GLIS1: variants seen among roughly 807,000 people sequenced by gnomAD.
The protein encoded by GLIS1 is GLIS family zinc finger 1.
Under a neutral mutation model 63.8 loss-of-function variants are expected in GLIS1, and 24 were observed. The observed-to-expected ratio is 0.38, with a 90% confidence interval of 0.27 to 0.53. The LOEUF is 0.53. Among genes scored for constraint, GLIS1 ranks in the 20% least tolerant of loss-of-function variants. The probability of loss-of-function intolerance (pLI) is 0.85; values close to 1 mark genes in which losing one functional copy is unlikely to be tolerated. For synonymous variants in GLIS1, 450 were observed against 482.5 expected (o/e 0.93, Z 0.88); for missense variants, 1,036 against 1,074.1 (o/e 0.96, Z 0.50).
intron 2 of GLIS1, among the ~76,000 whole-genome samples, chr1:53,674,887 G>A (rs890982875): frequency 2.6e-5 from 4 of 152,128 alleles, no homozygotes; most frequent in Non-Finnish European, 4.4e-5. Flanking sequence ...CATTCAGGCA[G>A]TGCGGGATGA....
intron 4 of GLIS1, among the ~76,000 whole-genome samples, chr1:53,546,392 T>C (rs2100387324): frequency 6.6e-6 from 1 of 152,310 alleles, no homozygotes; most frequent in Admixed American, 6.5e-5. Flanking sequence ...CAGCCAAATG[T>C]CTGGGGACAC....
chr1:53,729,503 C>A (rs1291850896), intron 2 of GLIS1, among the ~76,000 whole-genome samples: 1 of 129,030 alleles, frequency 7.8e-6, no homozygotes. Context: ...CCCCCTCCCC[C>A]AAAAAGCATT....
chr1:53,524,734 G>A (rs753358563), intron 6 of GLIS1, 43 bp downstream of exon 6: 13 of 1,428,196 alleles, frequency 9.1e-6, no homozygotes, highest in African/African-American at 5.6e-5. Context: ...CGGTGCAGGC[G>A]GCTGCGAGGT....
chr1:53,624,482 C>T (rs1365390557), intron 2 of GLIS1, among the ~76,000 whole-genome samples: 1 of 151,432 alleles, frequency 6.6e-6, no homozygotes, highest in South Asian at 2.1e-4. Flanking sequence ...TTAGAACACA[C>T]AAAAAGCAGG....
At chr1:53,521,497 C>T (rs1267943610) in intron 6 of GLIS1, among the ~76,000 whole-genome samples, 8 of 152,182 alleles carry the variant, frequency 5.3e-5, no homozygotes. Flanking sequence ...TGGGTCTTGC[C>T]TACCCAGCCT....
chr1:53,672,337 C>A (rs903711517), intron 2 of GLIS1, among the ~76,000 whole-genome samples: 5 of 152,200 alleles, frequency 3.3e-5, no homozygotes, highest in African/African-American at 1.2e-4. Context: ...TTCCTTTGTA[C>A]GAAATGGAAC....
intron 4 of GLIS1, among the ~76,000 whole-genome samples, chr1:53,579,642 C>T (rs1210298035): frequency 6.6e-6 from 1 of 152,248 alleles, no homozygotes; most frequent in Non-Finnish European, 1.5e-5. Flanking sequence ...AAGCAGCCCT[C>T]ACTCCTCAGG....
intron 2 of GLIS1, among the ~76,000 whole-genome samples, chr1:53,707,821 G>A (rs1284916555): frequency 6.6e-6 from 1 of 151,858 alleles, no homozygotes; most frequent in Non-Finnish European, 1.5e-5. Flanking sequence ...ACAAAGTGCT[G>A]GGATTACAGG....
intron 2 of GLIS1, among the ~76,000 whole-genome samples, chr1:53,613,993 G>C (rs12402528): frequency 6.6e-6 from 1 of 152,130 alleles, no homozygotes; most frequent in Non-Finnish European, 1.5e-5. Flanking sequence ...AATTATAAGC[G>C]CAGGATTCAA....
At position 53,658,742 on chromosome 1, in the gene GLIS1, GCTGCATCCA is replaced by G. The variant is rs568821451; in HGVS notation, c.260-58473_260-58465del. On this transcript the variant is annotated intron_variant, in intron 2 of 10. Transcript: ENST00000628545. ...CCTGGCTCCCTGTCAGCCACTCACT[GCTGCATCCA>G]TGGTGCACAGCAGGAGGTAGGGGTG... Among the ~76,000 whole-genome samples the G allele has an allele frequency of 1.9e-3, 283 of 152,320 alleles. 3 individuals are homozygous for G. The highest frequency in any genetic ancestry group is 6.3e-3 in the African/African-American group (263 of 41,572).
chr1:53,649,350 G>T (rs2037739), intron 2 of GLIS1, among the ~76,000 whole-genome samples: 87,672 of 152,064 alleles, frequency 0.58, 25,910 homozygotes, highest in Middle Eastern at 0.65. Flanking sequence ...CTGCAGCTAT[G>T]TCATAGCCAC....
chr1:53,594,454 G>A lies in GLIS1; in HGVS notation c.974C>T (p.Ala325Val), dbSNP rs184554996. 1.9e-4 allele frequency: 306 copies of A among 1,612,962 alleles called. 1 individual carries two copies. The East Asian group carries it at 3.0e-3, about 16-fold the overall frequency. The change falls in exon 4 of 11, where the codon GCG becomes GTG. Residue 325 changes from alanine (A) to valine (V), a missense_variant. Physicochemically the swap from Ala to Val is moderately conservative, Grantham distance 64. Transcript: ENST00000628545. ...CCCAAAGAGCTCTGAAAACTCATCC[G>A]CGGGTTCCTGCTTCAGGAAGCTCGC... Reference protein sequence around the residue: ...RKASFLKQEPADEFSELFGPH... With the variant: ...RKASFLKQEPVDEFSELFGPH...
Position 53,509,941 on chromosome 1 carries a change from G to T in GLIS1, c.1970C>A (p.Ser657Tyr). The change falls in exon 9 of 11, where the codon TCT becomes TAT. Residue 657 changes from serine (S) to tyrosine (Y), a missense_variant. Coordinates refer to ENST00000628545, the MANE Select transcript of GLIS1 (RefSeq NM_001367484.1). ...TGTGGGGAAGGGCTGGCCCCCCGGA[G>T]AATGGCTCTGAGAGGATGGGGGCAG... ...PPLPPSSQSH[S>Y]PGGQPFPTLP... is the part of the protein sequence containing the mutation. 1.5e-6 allele frequency: 2 copies of T among 1,303,902 alleles called. No individual in the cohort carries two copies. The highest frequency in any genetic ancestry group is 2.0e-6 in the Non-Finnish European group (2 of 1,017,692). 80.8% of individuals were successfully genotyped at this position (1,303,902 alleles called of 1,614,324 possible).
At chr1:53,587,865 T>A (rs1645152010) in intron 4 of GLIS1, among the ~76,000 whole-genome samples, 1 of 152,146 alleles carries the variant, frequency 6.6e-6, no homozygotes, top group Admixed American at 6.5e-5. Context: ...TCTCTCAATG[T>A]TTGTAAACAG....
intron 2 of GLIS1, among the ~76,000 whole-genome samples, chr1:53,726,245 G>A (rs1056146458): frequency 6.6e-6 from 1 of 152,148 alleles, no homozygotes; most frequent in African/African-American, 2.4e-5. Context: ...GGGGCGGGTA[G>A]GTCGGCAGCT....
chr1:53,525,084 C>T (rs375230221), intron 5 of GLIS1, among the ~76,000 whole-genome samples, 197 bp from the exon 6 acceptor site: 3 of 152,308 alleles, frequency 2.0e-5, no homozygotes, highest in African/African-American at 7.2e-5. Flanking sequence ...GTCTTCATTC[C>T]ACCACCATCC....
At chr1:53,527,950 G>A (rs1644487854) in intron 5 of GLIS1, among the ~76,000 whole-genome samples, 1 of 152,208 alleles carries the variant, frequency 6.6e-6, no homozygotes, top group Non-Finnish European at 1.5e-5. Context: ...TTTGGGGCTG[G>A]GTCCAGGAAA....
At chr1:53,558,567 G>C (rs138389545) in intron 4 of GLIS1, among the ~76,000 whole-genome samples, 1 of 152,120 alleles carries the variant, frequency 6.6e-6, no homozygotes, top group Non-Finnish European at 1.5e-5. Flanking sequence ...CTCTCTCAGG[G>C]CCAGCTCATG....
intron 2 of GLIS1, among the ~76,000 whole-genome samples, chr1:53,710,947 G>C (rs115063779): frequency 0.018 from 2,716 of 151,786 alleles, 39 homozygotes; most frequent in Non-Finnish European, 0.028. Context: ...GGGCTGACCA[G>C]CCCCTCCCCC....
Sources: allele counts gnomAD v4.1 joint callset (sites outside exome capture counted in the v4.1 genomes callset), GRCh38; gene constraint gnomAD v4.1.1; transcripts MANE v1.5; gene names NCBI Gene and HGNC (gene_info 2026-07-23, HGNC 2026-07-21).